Variants in SORCS2 observed in about 807,000 individuals in gnomAD.
SORCS2 encodes the protein VPS10 domain-containing receptor SorCS2.
A neutral mutation model predicts 141.6 loss-of-function variants in SORCS2; 100 were observed. The ratio of observed to expected loss-of-function variants is 0.71; its 90% CI spans 0.60 to 0.83. The LOEUF (loss-of-function observed/expected upper bound fraction) is 0.83. Ranked by LOEUF, SORCS2 falls within the 40% of genes least tolerant of loss-of-function variation. SORCS2 has a pLI of 0.00. For missense variants in SORCS2, 1,646 were observed against 1,560.2 expected, an observed-to-expected ratio of 1.05 and a Z score of -0.93; for synonymous variants, 789 against 676.9, an observed-to-expected ratio of 1.17 and a Z score of -2.57.
chr4:7,324,407 C>G (rs1012956020), intron 1 of SORCS2, among the ~76,000 whole-genome samples: 1 of 152,210 alleles, frequency 6.6e-6, no homozygotes. Context: ...GGTGCCCCTG[C>G]AGCTCCAACT....
At chr4:7,725,381 A>T in intron 20 of SORCS2, 94 bp downstream of exon 20, 1 of 1,485,600 alleles carries the variant, frequency 6.7e-7, no homozygotes, top group Non-Finnish European at 9.0e-7. Flanking sequence ...TTTCAGCAGA[A>T]GGAACCAGTG....
chr4:7,455,570 G>A (rs1377975985), intron 2 of SORCS2, among the ~76,000 whole-genome samples: 1 of 148,150 alleles, frequency 6.7e-6, no homozygotes, highest in Non-Finnish European at 1.5e-5. Flanking sequence ...CTGTGTTGGG[G>A]TCAGGAGCTG....
chr4:7,510,541 C>G (rs956908467), intron 2 of SORCS2, among the ~76,000 whole-genome samples: 4 of 108,214 alleles, frequency 3.7e-5, no homozygotes, highest in Non-Finnish European at 7.8e-5. Flanking sequence ...GGGCAGTGCC[C>G]TGTTCTGTGC....
intron 2 of SORCS2, among the ~76,000 whole-genome samples, chr4:7,526,186 G>A (rs115169035): frequency 0.02 from 3,074 of 152,358 alleles, 106 homozygotes; most frequent in African/African-American, 0.07. Context: ...TGCTGGGACC[G>A]CATTTTCCAG....
chr4:7,721,461 G>C (rs999844304), intron 18 of SORCS2, among the ~76,000 whole-genome samples: 1 of 151,786 alleles, frequency 6.6e-6, no homozygotes, highest in African/African-American at 2.4e-5. Flanking sequence ...GTGAGATCCC[G>C]TCTTAAAAAA....
chr4:7,565,061 C>G (rs374081341), intron 3 of SORCS2, among the ~76,000 whole-genome samples: 45 of 152,274 alleles, frequency 3.0e-4, no homozygotes, highest in African/African-American at 1.0e-3. Flanking sequence ...TTAGCTACCT[C>G]GAGCCAAAGG....
At chr4:7,495,112 G>T (rs747793536) in intron 2 of SORCS2, among the ~76,000 whole-genome samples, 2 of 152,210 alleles carry the variant, frequency 1.3e-5, no homozygotes, top group African/African-American at 2.4e-5. Context: ...GCCTGTCAGC[G>T]GTGCTGGTAC....
At chr4:7,659,991 C>T (rs540216966) in intron 5 of SORCS2, among the ~76,000 whole-genome samples, 13 of 152,206 alleles carry the variant, frequency 8.5e-5, no homozygotes, top group Non-Finnish European at 1.5e-4. Flanking sequence ...CTGTCTGGGC[C>T]TTGGTTTCCT....
At position 7,740,700 on chromosome 4, in the gene SORCS2, C is replaced by T. The variant is rs1472497489; in HGVS notation, c.*436C>T. ...AGAGGCCGGGGCCTCCCTGACTTTG[C>T]TTCTTCACTCCCACCTGTGCGGCCA... is the stretch of plus-strand genomic sequence containing the variant. On this transcript the variant is annotated 3_prime_UTR_variant, in exon 27 of 27. Coordinates refer to ENST00000507866, the MANE Select transcript of SORCS2 (RefSeq NM_020777.3). 3.4e-6 allele frequency: 1 copy of T among 289,972 alleles called. No homozygotes were observed. Among genetic ancestry groups the T allele is most frequent in the Non-Finnish European group, 6.4e-6 (1 of 155,232 alleles). The allele number at this position is 289,972 out of a possible 1,614,324, so 18.0% of individuals were successfully genotyped here.
chr4:7,576,181 C>G (rs143036591), intron 3 of SORCS2, among the ~76,000 whole-genome samples: 2 of 152,274 alleles, frequency 1.3e-5, no homozygotes, highest in East Asian at 1.9e-4. Flanking sequence ...TCCTTCTGAC[C>G]AAAGCCATGT....
chr4:7,611,113 T>C (rs909742122), intron 3 of SORCS2, among the ~76,000 whole-genome samples: 2 of 152,136 alleles, frequency 1.3e-5, no homozygotes, highest in Non-Finnish European at 2.9e-5. Flanking sequence ...GGGCGCCCAC[T>C]GCAGCTACTG....
chr4:7,688,208 GAT>G (rs1416273216), intron 10 of SORCS2, among the ~76,000 whole-genome samples: 1 of 152,190 alleles, frequency 6.6e-6, no homozygotes, highest in Non-Finnish European at 1.5e-5. Context: ...GTTAGTAGAT[GAT>G]ATGATACCGC....
chr4:7,639,954 AGT>A (rs1317813981), intron 4 of SORCS2, among the ~76,000 whole-genome samples: 7 of 146,710 alleles, frequency 4.8e-5, no homozygotes, highest in East Asian at 2.1e-4. Flanking sequence ...TGTGAGAATG[AGT>A]GTGGGTGTGA....
intron 1 of SORCS2, among the ~76,000 whole-genome samples, chr4:7,257,370 G>C (rs1713966769): frequency 6.6e-6 from 1 of 151,800 alleles, no homozygotes; most frequent in Non-Finnish European, 1.5e-5. Context: ...CCCAGGCCTG[G>C]GGGTGGTGGG....
intron 1 of SORCS2, among the ~76,000 whole-genome samples, chr4:7,305,987 G>T (rs572994887): frequency 6.6e-6 from 1 of 152,332 alleles, no homozygotes; most frequent in Non-Finnish European, 1.5e-5. Flanking sequence ...CCTTGAGCAG[G>T]ATGGCTGAGG....
At chr4:7,513,755 G>A (rs568474443) in intron 2 of SORCS2, among the ~76,000 whole-genome samples, 5 of 152,178 alleles carry the variant, frequency 3.3e-5, no homozygotes, top group Non-Finnish European at 7.3e-5. Flanking sequence ...CCTTGGGAAC[G>A]ACTTAACTCG....
At chr4:7,574,241 A>T (rs2109722057) in intron 3 of SORCS2, among the ~76,000 whole-genome samples, 1 of 152,282 alleles carries the variant, frequency 6.6e-6, no homozygotes, top group East Asian at 1.9e-4. Context: ...CTCGGAGGTG[A>T]GGTGCAGCGA....
intron 2 of SORCS2, among the ~76,000 whole-genome samples, chr4:7,406,217 G>T (rs111826180): frequency 1.6e-3 from 234 of 149,836 alleles, no homozygotes; most frequent in African/African-American, 5.3e-3. Flanking sequence ...GTCCTTTTCT[G>T]GTTTTGATAT....
intron 9 of SORCS2, among the ~76,000 whole-genome samples, chr4:7,677,394 A>G (rs1468844898): frequency 6.6e-6 from 1 of 152,256 alleles, no homozygotes; most frequent in Non-Finnish European, 1.5e-5. Flanking sequence ...TGTACAGGCC[A>G]GAAAACTGAG....
Sources: allele counts gnomAD v4.1 joint callset (sites outside exome capture counted in the v4.1 genomes callset), GRCh38; gene constraint gnomAD v4.1.1; transcripts MANE v1.5; gene names NCBI Gene and HGNC (gene_info 2026-07-23, HGNC 2026-07-21).